Variants in CPAMD8 observed in about 807,000 individuals in gnomAD.
CPAMD8 encodes C3 and PZP like alpha-2-macroglobulin domain containing 8.
In CPAMD8, 146 loss-of-function variants were observed where a neutral mutation model predicts 224.7. The observed-to-expected ratio is 0.65, with a 90% CI of 0.57 to 0.75. The LOEUF (loss-of-function observed/expected upper bound fraction) is 0.75. Ranked by LOEUF, CPAMD8 falls within the 30% of genes least tolerant of loss-of-function variation. The pLI is 0.00. For synonymous variants in CPAMD8, 966 were observed against 1,044.6 expected (o/e 0.92, Z 1.45); for missense variants, 2,301 against 2,537.5 (o/e 0.91, Z 2.00).
At position 16,897,953 on chromosome 19, in the gene CPAMD8, G is replaced by C; in HGVS notation, c.4890C>G (p.Leu1630=). Residue 1630 remains leucine (L), a synonymous_variant, in exon 38 of 42, where the codon CTC becomes CTG. Coordinates refer to ENST00000443236, the MANE Select transcript of CPAMD8 (RefSeq NM_015692.5). ...RCLTCVRFRA[L]RECVVGRTSA... ...ACGTCCTGCCCACCACGCACTCCCGGAGAGCACGGAACCGCACGCACGTCA... is the reference window on the plus strand; with the variant it reads ...ACGTCCTGCCCACCACGCACTCCCGCAGAGCACGGAACCGCACGCACGTCA... 1 of 1,611,292 alleles carries C rather than the reference G, an allele frequency of 6.2e-7. No individual in the cohort carries two copies. The highest frequency in any genetic ancestry group is 8.5e-7 in the Non-Finnish European group (1 of 1,179,426).
At chr19:17,011,441 G>A (rs779890041) in intron 5 of CPAMD8, 23 bp downstream of exon 5, 21 of 1,614,044 alleles carry the variant, frequency 1.3e-5, no homozygotes, top group Middle Eastern at 1.6e-4. Flanking sequence ...CTCCGGGCCC[G>A]CGGTTTTAGA....
chr19:16,941,251 A>G (rs2053878980), intron 22 of CPAMD8, among the ~76,000 whole-genome samples: 1 of 152,230 alleles, frequency 6.6e-6, no homozygotes, highest in Admixed American at 6.5e-5. Context: ...GCTTTTTAAC[A>G]GCTACATAAT....
intron 20 of CPAMD8, among the ~76,000 whole-genome samples, chr19:16,948,835 GGAGAAGGGAA>G (rs1176612771): frequency 2.3e-5 from 2 of 87,296 alleles, no homozygotes; most frequent in Non-Finnish European, 4.7e-5. Context: ...AGGGAAGGGA[GGAGAAGGGAA>G]GAGAAGGGAA....
intron 20 of CPAMD8, among the ~76,000 whole-genome samples, chr19:16,950,983 C>G (rs1286602815): frequency 6.6e-6 from 1 of 152,046 alleles, no homozygotes; most frequent in East Asian, 1.9e-4. Context: ...CCCAAGGAGA[C>G]TAGGACAGCA....
At chr19:16,989,021 G>A (rs2055843615) in intron 13 of CPAMD8, among the ~76,000 whole-genome samples, 1 of 152,046 alleles carries the variant, frequency 6.6e-6, no homozygotes, top group African/African-American at 2.4e-5. Context: ...ATCTGTCACT[G>A]TCTCCCACCA....
chr19:16,967,916 T>C (rs12975197), intron 18 of CPAMD8, among the ~76,000 whole-genome samples: 20 of 150,280 alleles, frequency 1.3e-4, no homozygotes, highest in African/African-American at 1.7e-4. Context: ...TGTGCATATA[T>C]ACACACACAT....
chr19:16,962,306 C>A (rs949998179), intron 18 of CPAMD8, among the ~76,000 whole-genome samples: 1 of 152,070 alleles, frequency 6.6e-6, no homozygotes, highest in Non-Finnish European at 1.5e-5. Flanking sequence ...AAAGGTTAGA[C>A]GAATGGCTAA....
intron 8 of CPAMD8, among the ~76,000 whole-genome samples, chr19:17,003,727 A>G (rs2056401867): frequency 6.7e-6 from 1 of 149,824 alleles, no homozygotes; most frequent in South Asian, 2.2e-4. Context: ...TCAGTGAGCC[A>G]AGATCGCACC....
chr19:16,979,378 C>CCA (rs2055411775), intron 14 of CPAMD8, among the ~76,000 whole-genome samples: 1 of 113,520 alleles, frequency 8.8e-6, no homozygotes, highest in Non-Finnish European at 1.8e-5. Flanking sequence ...ATCCATCCAT[C>CCA]TGTCCATTCA....
chr19:16,984,770 AG>A (rs1421712121), intron 13 of CPAMD8, among the ~76,000 whole-genome samples: 1 of 152,142 alleles, frequency 6.6e-6, no homozygotes, highest in Non-Finnish European at 1.5e-5. Context: ...ACACCTTGGG[AG>A]GCTGAGGCAG....
chr19:16,991,077 T>C (rs2055932623), intron 12 of CPAMD8, among the ~76,000 whole-genome samples: 2 of 148,350 alleles, frequency 1.3e-5, no homozygotes, highest in African/African-American at 2.5e-5. Flanking sequence ...AATGATTTAA[T>C]CAATCATGCA....
Position 16,902,761 on chromosome 19 carries a change from G to C in CPAMD8, c.4573C>G (p.Pro1525Ala), listed in dbSNP as rs761365393. Residue 1525 changes from proline (P) to alanine (A), a missense_variant, in exon 35 of 42, where the codon CCT (proline) becomes GCT (alanine). Transcript: ENST00000443236. ...PEAQGRPPPM[P>A]ASAAEGSRGD... ...CGGGAACCCTCAGCTGCGGAGGCAGGCATGGGGGGCGGGCGTCCCTGGGCC... is the reference window on the plus strand; with the variant it reads ...CGGGAACCCTCAGCTGCGGAGGCAGCCATGGGGGGCGGGCGTCCCTGGGCC... 1.9e-6 allele frequency: 3 copies of C among 1,594,120 alleles called. No individual in the cohort carries two copies. The African/African-American group carries it at 4.0e-5, about 21-fold the overall frequency.
rs57891460 is a variant in CPAMD8, at chr19:16,918,767, T to TC, written c.3629+3137dup. On this transcript the variant is annotated intron_variant, in intron 27 of 41. Coordinates refer to ENST00000443236, the MANE Select transcript of CPAMD8 (RefSeq NM_015692.5). The stretch of plus-strand genomic sequence containing the variant: ...CCAGACTTTTTTTTTTTTTTTTTTT[T>TC]CTGAATAGTTTCGATCTGTAGTTGA... Among the ~76,000 whole-genome samples, 5 of 125,068 alleles carry TC rather than the reference T, an allele frequency of 4.0e-5. No homozygotes were observed. The Admixed American group carries it at 4.2e-4, about 11-fold the overall frequency. The allele number at this position is 125,068 out of a possible 152,430, so 82.0% of individuals were successfully genotyped here. A position where few individuals can be genotyped will look rare whatever the true frequency, so the allele number is the denominator to read the frequency against.
rs374200163 is a variant in CPAMD8 at position 16,977,436 on chromosome 19, C to T, written c.1690G>A (p.Val564Ile). The T allele has an allele frequency of 1.8e-5, 29 of 1,611,956 alleles. No homozygotes were observed. The highest frequency in any genetic ancestry group is 1.5e-4 in the African/African-American group (11 of 74,848). Residue 564 changes from valine to isoleucine, a missense_variant, in exon 15 of 42, where the codon GTC (valine) becomes ATC (isoleucine). Transcript: ENST00000443236. Reference protein sequence around the residue: ...VPLGRLLVFYVRENGEGVADS... With the variant: ...VPLGRLLVFYIRENGEGVADS... ...GCGACCCCTTCTCCATTCTCCCTGA[C>T]GTAGAAGACCAGCAGGCGACCAAGG...
At chr19:16,933,742 AT>A (rs2053609758) in intron 23 of CPAMD8, among the ~76,000 whole-genome samples, 1 of 152,206 alleles carries the variant, frequency 6.6e-6, no homozygotes, top group Non-Finnish European at 1.5e-5. Flanking sequence ...GCAGGTGGGA[AT>A]ACAAAATGGC....
At chr19:17,012,593 C>T (rs2056691195) in intron 3 of CPAMD8, among the ~76,000 whole-genome samples, 1 of 152,204 alleles carries the variant, frequency 6.6e-6, no homozygotes. Context: ...AAGCGATCCT[C>T]CCACCTCAGC....
At chr19:16,945,753 TC>T (rs1483187115) in intron 21 of CPAMD8, 74 bp from the exon 22 acceptor site, 13 of 1,403,072 alleles carry the variant, frequency 9.3e-6, no homozygotes, top group Non-Finnish European at 1.2e-5. Context: ...CCTATCCTTA[TC>T]CCAGATGTGT....
At chr19:16,952,910 T>C (rs10424187) in intron 19 of CPAMD8, among the ~76,000 whole-genome samples, 6,728 of 152,156 alleles carry the variant, frequency 0.044, 489 homozygotes, top group African/African-American at 0.15. Flanking sequence ...TCTCAAGGGA[T>C]CCTGGTGGCC....
intron 27 of CPAMD8, among the ~76,000 whole-genome samples, chr19:16,916,561 A>AC (rs554562689): frequency 6.7e-6 from 1 of 149,722 alleles, no homozygotes; most frequent in South Asian, 2.1e-4. Context: ...ACATGGCGAA[A>AC]CCCCATCTCC....
Sources: allele counts gnomAD v4.1 joint callset (sites outside exome capture counted in the v4.1 genomes callset), GRCh38; gene constraint gnomAD v4.1.1; transcripts MANE v1.5; gene names NCBI Gene and HGNC (gene_info 2026-07-23, HGNC 2026-07-21).